KCNQ5: variants seen among roughly 807,000 people sequenced by gnomAD.
KCNQ5 encodes the protein potassium voltage-gated channel subfamily KQT member 5.
A neutral mutation model predicts 98.2 loss-of-function variants in KCNQ5; 30 were observed. The ratio of observed to expected loss-of-function variants is 0.31; its 90% CI spans 0.23 to 0.41. The LOEUF (loss-of-function observed/expected upper bound fraction) is 0.41, where lower values mean the gene tolerates loss of function less well. KCNQ5 is among the 10% of genes least tolerant of loss of function. The pLI is 1.00. For missense variants in KCNQ5, 835 were observed against 1,182.5 expected (o/e 0.71, Z 4.31); for synonymous variants, 458 against 449.4 (o/e 1.02, Z -0.24).
intron 1 of KCNQ5, among the ~76,000 whole-genome samples, chr6:72,844,888 C>T (rs1214866687): frequency 7.2e-5 from 11 of 152,234 alleles, no homozygotes; most frequent in African/African-American, 2.2e-4. Context: ...AAGTTTCCTT[C>T]GTAAATTATA....
intron 1 of KCNQ5, among the ~76,000 whole-genome samples, chr6:72,887,122 A>T (rs1241545565): frequency 6.6e-6 from 1 of 152,192 alleles, no homozygotes; most frequent in African/African-American, 2.4e-5. Flanking sequence ...AAAGAAGGAA[A>T]ATTTTCTTAA....
chr6:73,118,427 A>G (rs1193543679), intron 7 of KCNQ5, among the ~76,000 whole-genome samples: 1 of 151,806 alleles, frequency 6.6e-6, no homozygotes, highest in Non-Finnish European at 1.5e-5. Context: ...GTATTTTGGA[A>G]TTTCCAGCTT....
chr6:72,874,809 T>G (rs1472858189), intron 1 of KCNQ5, among the ~76,000 whole-genome samples: 1 of 152,180 alleles, frequency 6.6e-6, no homozygotes, highest in Non-Finnish European at 1.5e-5. Flanking sequence ...CTGAAATACT[T>G]GTATTTAAAA....
intron 1 of KCNQ5, among the ~76,000 whole-genome samples, chr6:72,887,034 T>C (rs1778871549): frequency 6.6e-6 from 1 of 152,152 alleles, no homozygotes; most frequent in Admixed American, 6.6e-5. Flanking sequence ...AAAAAGCTAA[T>C]TGTTACAGTG....
intron 1 of KCNQ5, among the ~76,000 whole-genome samples, chr6:72,748,663 A>G (rs1296792813): frequency 6.6e-6 from 1 of 152,154 alleles, no homozygotes; most frequent in Non-Finnish European, 1.5e-5. Flanking sequence ...AACTACTTTG[A>G]GTGAAAAATC....
rs573940165 is a variant in KCNQ5 at position 72,843,719 on chromosome 6, A to G, written c.399-160189A>G. On this transcript the variant is annotated intron_variant, in intron 1 of 13. Transcript: ENST00000370398. The stretch of plus-strand genomic sequence containing the variant: ...GTATATACCCAAAGGATTATAAATC[A>G]TTCTACTATAAAGACACATCCACAC... Among the ~76,000 whole-genome samples the G allele has an allele frequency of 7.6e-4, 116 of 152,346 alleles. 1 individual carries two copies. The highest frequency in any genetic ancestry group is 2.8e-3 in the African/African-American group (115 of 41,580).
At chr6:72,800,003 TCAGA>T (rs1416692655) in intron 1 of KCNQ5, among the ~76,000 whole-genome samples, 7 of 152,314 alleles carry the variant, frequency 4.6e-5, no homozygotes, top group Middle Eastern at 3.4e-3. Context: ...TTAGAATAAT[TCAGA>T]CAGAGGAAAA....
At chr6:73,127,678 A>T (rs889932548) in intron 9 of KCNQ5, among the ~76,000 whole-genome samples, 1 of 152,194 alleles carries the variant, frequency 6.6e-6, no homozygotes, top group Admixed American at 6.5e-5. Context: ...TTCTACACTG[A>T]GGCTAGGGTA....
chr6:72,659,859 C>T (rs1426865744), intron 1 of KCNQ5, among the ~76,000 whole-genome samples: 1 of 152,178 alleles, frequency 6.6e-6, no homozygotes, highest in East Asian at 1.9e-4. Flanking sequence ...ATTATCTTGT[C>T]CATTTTTTTC....
At chr6:73,069,505 G>T (rs765296611) in intron 3 of KCNQ5, among the ~76,000 whole-genome samples, 1 of 151,940 alleles carries the variant, frequency 6.6e-6, no homozygotes, top group Non-Finnish European at 1.5e-5. Flanking sequence ...TGATATGTAC[G>T]GAGCTAGTCA....
At chr6:73,152,555 GTT>G (rs1333351984) in intron 10 of KCNQ5, among the ~76,000 whole-genome samples, 1 of 152,110 alleles carries the variant, frequency 6.6e-6, no homozygotes, top group Non-Finnish European at 1.5e-5. Flanking sequence ...TAATGACAAT[GTT>G]TTGAAATTTT....
intron 1 of KCNQ5, among the ~76,000 whole-genome samples, chr6:72,934,686 T>C (rs1765826847): frequency 6.6e-6 from 1 of 152,200 alleles, no homozygotes; most frequent in Non-Finnish European, 1.5e-5. Context: ...GGACTAATCC[T>C]ATGCTGAAGG....
chr6:72,640,106 T>C (rs2098926378), intron 1 of KCNQ5, among the ~76,000 whole-genome samples: 1 of 152,124 alleles, frequency 6.6e-6, no homozygotes, highest in South Asian at 2.1e-4. Flanking sequence ...TGAGAATTTC[T>C]CTAACAGTAG....
chr6:73,110,656 A>G (rs942594257), intron 6 of KCNQ5, among the ~76,000 whole-genome samples: 1 of 152,166 alleles, frequency 6.6e-6, no homozygotes. Flanking sequence ...AAAATAGAAA[A>G]CCTTCTACTC....
At chr6:72,988,945 G>C (rs1490542934) in intron 1 of KCNQ5, among the ~76,000 whole-genome samples, 1 of 36,884 alleles carries the variant, frequency 2.7e-5, no homozygotes, top group Non-Finnish European at 5.1e-5. Context: ...TGAGAATGAT[G>C]GTTTCCAATT....
intron 1 of KCNQ5, among the ~76,000 whole-genome samples, chr6:72,808,673 C>A (rs973187198): frequency 1.3e-5 from 2 of 152,070 alleles, no homozygotes; most frequent in Non-Finnish European, 2.9e-5. Context: ...CACTGCCGGG[C>A]GCGGTGGCTC....
chr6:72,855,957 T>G (rs1299231559), intron 1 of KCNQ5, among the ~76,000 whole-genome samples: 1 of 152,194 alleles, frequency 6.6e-6, no homozygotes, highest in African/African-American at 2.4e-5. Flanking sequence ...TTCACATCCA[T>G]ACCTCTCAAA....
intron 1 of KCNQ5, among the ~76,000 whole-genome samples, chr6:72,627,899 T>A (rs1176898351): frequency 2.6e-5 from 4 of 152,202 alleles, no homozygotes; most frequent in Non-Finnish European, 5.9e-5. Flanking sequence ...CTCTTGGGCA[T>A]ATTTCCAAAC....
chr6:73,046,168 T>C (rs144541599), intron 3 of KCNQ5, among the ~76,000 whole-genome samples: 1 of 152,300 alleles, frequency 6.6e-6, no homozygotes, highest in African/African-American at 2.4e-5. Flanking sequence ...GTGTTCTAAA[T>C]TGATTTTGAG....
Sources: gnomAD v4.1 joint callset for allele counts (sites outside exome capture counted in the v4.1 genomes callset) on GRCh38, gnomAD v4.1.1 for gene constraint, MANE v1.5 for transcripts, NCBI Gene and HGNC (gene_info 2026-07-23, HGNC 2026-07-21) for gene names.